Variants in CEP72 observed in about 807,000 individuals in gnomAD.
The protein encoded by CEP72 is centrosomal protein 72.
In CEP72, 78 loss-of-function variants were observed where a neutral mutation model predicts 65.7. The observed-to-expected ratio is 1.19, with a 90% CI of 0.99 to 1.43. CEP72 has a LOEUF of 1.43. Among genes scored for constraint, CEP72 ranks in the 40% most tolerant of loss-of-function variants. CEP72 has a pLI of 0.00. For missense variants in CEP72, 914 were observed against 832.9 expected, an observed-to-expected ratio of 1.10 and a Z score of -1.20; for synonymous variants, 358 against 351.7, an observed-to-expected ratio of 1.02 and a Z score of -0.20.
chr5:628,530 G>GT (rs1736926751), intron 4 of CEP72, among the ~76,000 whole-genome samples: 1 of 149,650 alleles, frequency 6.7e-6, no homozygotes, highest in African/African-American at 2.5e-5. Context: ...TCTTTGTGCA[G>GT]CTTCTGGAGA....
chr5:646,120 C>T (rs1224856118), intron 10 of CEP72, among the ~76,000 whole-genome samples: 2 of 152,232 alleles, frequency 1.3e-5, no homozygotes, highest in East Asian at 1.9e-4. Context: ...AATTCGGCTT[C>T]TTTCCACGGC....
intron 1 of CEP72, 95 bp downstream of exon 1, chr5:612,538 C>A (rs1281360781): frequency 4.7e-6 from 6 of 1,264,758 alleles, no homozygotes; most frequent in Non-Finnish European, 6.0e-6. Context: ...GCAGGCGGGA[C>A]CCGTCTACGC....
At chr5:643,884 G>T (rs1738232006) in intron 9 of CEP72, among the ~76,000 whole-genome samples, 1 of 152,238 alleles carries the variant, frequency 6.6e-6, no homozygotes, top group Non-Finnish European at 1.5e-5. Context: ...GGTTCCTGCA[G>T]GGCCACCGGT....
At position 624,451 on chromosome 5, in the gene CEP72, T is replaced by C. The variant is rs1172099035; in HGVS notation, c.404-20T>C. On this transcript the variant is annotated intron_variant, in intron 3 of 11. Transcript: ENST00000264935. The surrounding 1 kb of genome is among the most constrained non-coding windows in gnomAD (Gnocchi z 4.7). Reference sequence around the variant, plus strand: ...CCGCCGCTTGCCACCTGCACAGTCTTGTGTGGCCTTTTCTTCTAGACGATC... The same window carrying C: ...CCGCCGCTTGCCACCTGCACAGTCTCGTGTGGCCTTTTCTTCTAGACGATC... The C allele has an allele frequency of 2.5e-6, 4 of 1,594,320 alleles. No homozygotes were observed. Among genetic ancestry groups the C allele is most frequent in the Non-Finnish European group, 3.4e-6 (4 of 1,162,016 alleles).
chr5:662,398 GCAGCGTCCTGGTGCCCAGCACCTCTCCT>G (rs1016926813), intron 1 of CEP72: 1 of 152,484 alleles, frequency 6.6e-6, no homozygotes, highest in Non-Finnish European at 1.5e-5. Flanking sequence ...GGACCAGGAG[GCAGCGTCCTGGTGCCCAGCACCTCTCCT>G]CAGTGTCCCT....
chr5:655,578 C>T (rs1353144961), downstream of CEP72: 1 of 151,040 alleles, frequency 6.6e-6, no homozygotes, highest in Non-Finnish European at 1.5e-5. The surrounding 1 kb of genome is among the most constrained non-coding windows in gnomAD (Gnocchi z 5.0). Flanking sequence ...TTAGCACCTT[C>T]ACTCCGGTGG....
At chr5:641,138 G>A (rs1056909448) in intron 9 of CEP72, 11 of 984,324 alleles carry the variant, frequency 1.1e-5, no homozygotes, top group East Asian at 2.3e-4. Context: ...CGGGGCCGCC[G>A]TCTCATCTGA....
rs113615971 is a variant in CEP72, at chr5:619,734, A to AG, written c.211-328dup. 4.3e-3 allele frequency among the ~76,000 whole-genome samples: 658 copies of AG among 152,198 alleles called. 5 individuals are homozygous for AG. The highest frequency in any genetic ancestry group is 0.015 in the African/African-American group (612 of 41,514). On this transcript the variant is annotated intron_variant, in intron 2 of 11. Transcript: ENST00000264935. The stretch of plus-strand genomic sequence containing the variant: ...CAGGCCTCAGCTTTCTCATCTGTGA[A>AG]GGGGGGGCTGATGGTTCTCACCCTG...
At chr5:671,716 C>T (rs993205795), downstream of CEP72, among the ~76,000 whole-genome samples, 2 of 152,256 alleles carry the variant, frequency 1.3e-5, no homozygotes, top group African/African-American at 4.8e-5. Flanking sequence ...CCCGCAGGGG[C>T]TCCACTCTGC....
chr5:657,816 CTGTT>C (rs1175125517), downstream of CEP72, among the ~76,000 whole-genome samples: 2 of 152,200 alleles, frequency 1.3e-5, no homozygotes, highest in Non-Finnish European at 1.5e-5. Context: ...ATTAGGAAGT[CTGTT>C]TGTCTTCTGT....
chr5:668,984 T>C (rs113366310), downstream of CEP72, among the ~76,000 whole-genome samples: 4 of 152,160 alleles, frequency 2.6e-5, no homozygotes, highest in East Asian at 7.7e-4. Context: ...AGGGTTCCCA[T>C]ACACTTTACA....
downstream of CEP72, chr5:660,788 T>TG (rs1291105853): frequency 6.6e-6 from 1 of 152,274 alleles, no homozygotes; most frequent in African/African-American, 2.4e-5. Flanking sequence ...CAGCCCAGGA[T>TG]GGGGGCTGGG....
the CEP72 span, among the ~76,000 whole-genome samples, chr5:673,962 C>T: frequency 6.6e-5 from 10 of 152,226 alleles, no homozygotes; most frequent in Admixed American, 4.6e-4. Flanking sequence ...CACATGCGGC[C>T]ATGTGCATGC....
chr5:632,930 G>C (rs59732435), intron 4 of CEP72, among the ~76,000 whole-genome samples: 44 of 99,294 alleles, frequency 4.4e-4, no homozygotes, highest in African/African-American at 1.7e-3. Context: ...CCGGGATTTG[G>C]ACCAGTTCTG....
chr5:665,935 CT>C, intron 3 of CEP72: 5 of 1,322,928 alleles, frequency 3.8e-6, no homozygotes, highest in South Asian at 1.6e-5. Flanking sequence ...CCCCCACCCC[CT>C]CCAGGCCCCG....
chr5:674,919 G>T, the CEP72 span, among the ~76,000 whole-genome samples: 1 of 151,608 alleles, frequency 6.6e-6, no homozygotes, highest in Non-Finnish European at 1.5e-5. Flanking sequence ...GCAGAGTCAG[G>T]CGCCAGTTGC....
chr5:635,448 G>T lies in CEP72; in HGVS notation c.768G>T (p.Arg256Ser), dbSNP rs1737524342. The change falls in exon 6 of 12, where the codon AGG becomes AGT. Residue 256 changes from arginine (R) to serine (S), a missense_variant. Physicochemically the swap from Arg to Ser is moderately radical, Grantham distance 110. Coordinates refer to ENST00000264935, the MANE Select transcript of CEP72 (RefSeq NM_018140.4). ...CTGGGAAGCAGGGCCGTGAGACGAG[G>T]AGGAGCAGCTGCAGAGGGTGCTGTC... ...GDSGKQGRETRRSSCRGCCLE... is the reference protein window; with the variant it reads ...GDSGKQGRETSRSSCRGCCLE... 1 of 1,614,066 alleles carries T rather than the reference G, an allele frequency of 6.2e-7. No individual in the cohort carries two copies. The highest frequency in any genetic ancestry group is 8.5e-7 in the Non-Finnish European group (1 of 1,180,012).
chr5:623,951 C>T lies in CEP72; in HGVS notation c.404-520C>T, dbSNP rs1401553821. On this transcript the variant is annotated intron_variant, in intron 3 of 11. Transcript: ENST00000264935. This position sits in a 1 kb window ranked among gnomAD's most constrained non-coding sequence, Gnocchi z 5.3. ...TTAAGATGTGTTGTAAGTTCCAAAG[C>T]GCCAAGGTTGAAGGCCTGGGGACCT... Among the ~76,000 whole-genome samples the T allele has an allele frequency of 1.3e-5, 2 of 152,116 alleles. No individual in the cohort carries two copies. Among genetic ancestry groups the T allele is most frequent in the Non-Finnish European group, 2.9e-5 (2 of 68,028 alleles).
At chr5:668,398 A>G (rs448216), downstream of CEP72, among the ~76,000 whole-genome samples, 32,535 of 101,752 alleles carry the variant, frequency 0.32, 5,093 homozygotes, top group African/African-American at 0.41. Context: ...TCAGGGAAGT[A>G]CCGACAAGCA....
Sources: gnomAD v4.1 joint callset for allele counts (sites outside exome capture counted in the v4.1 genomes callset) on GRCh38, gnomAD v4.1.1 for gene constraint, Gnocchi (gnomAD v3.1) non-coding constraint, MANE v1.5 for transcripts, NCBI Gene and HGNC (gene_info 2026-07-23, HGNC 2026-07-21) for gene names.